The following DEPTOR variants were observed in gnomAD, a reference collection of about 807,000 sequenced individuals.
DEPTOR encodes the protein DEP domain containing MTOR interacting protein, also known as DEP domain-containing mTOR-interacting protein.
A neutral mutation model predicts 41.6 loss-of-function variants in DEPTOR; 41 were observed. The observed-to-expected ratio is 0.98, with a 90% confidence interval of 0.77 to 1.28. The LOEUF is 1.28. DEPTOR is among the 50% of genes most tolerant of loss of function. The pLI is 0.00. For missense variants in DEPTOR, 514 were observed against 527.9 expected (o/e 0.97, Z 0.26); for synonymous variants, 195 against 192.3 (o/e 1.01, Z -0.12).
chr8:119,955,428 A>T (rs1478157403), intron 3 of DEPTOR, among the ~76,000 whole-genome samples: 1 of 151,928 alleles, frequency 6.6e-6, no homozygotes, highest in East Asian at 1.9e-4. Flanking sequence ...TTTAGCTCTT[A>T]ATGTTTAGTT....
At chr8:119,897,047 T>A (rs577299731) in intron 1 of DEPTOR, among the ~76,000 whole-genome samples, 1 of 152,236 alleles carries the variant, frequency 6.6e-6, no homozygotes, top group East Asian at 1.9e-4. Context: ...TGTACACATA[T>A]AAGAAGATAT....
intron 1 of DEPTOR, among the ~76,000 whole-genome samples, chr8:119,918,963 GTGTA>G (rs748578917): frequency 0.032 from 2,954 of 91,538 alleles, 89 homozygotes; most frequent in African/African-American, 0.092. Flanking sequence ...GTGTGTGTGT[GTGTA>G]TGTGTATGTG....
intron 1 of DEPTOR, among the ~76,000 whole-genome samples, chr8:119,900,460 C>CA (rs1004418346): frequency 8.4e-6 from 1 of 118,792 alleles, no homozygotes; most frequent in African/African-American, 3.2e-5. Flanking sequence ...GATCATAGCT[C>CA]ACTGCAACCT....
chr8:120,033,539 G>A (rs1328870418), intron 8 of DEPTOR, among the ~76,000 whole-genome samples: 1 of 152,172 alleles, frequency 6.6e-6, no homozygotes, highest in Non-Finnish European at 1.5e-5. Flanking sequence ...CTTCAAATGT[G>A]TGATATTACC....
chr8:119,960,712 G>A (rs991546553), intron 3 of DEPTOR, among the ~76,000 whole-genome samples: 1 of 152,140 alleles, frequency 6.6e-6, no homozygotes, highest in Non-Finnish European at 1.5e-5. Context: ...AAACAAGGTC[G>A]AATAAAAGAA....
chr8:119,940,869 G>T (rs1487909154), intron 3 of DEPTOR, among the ~76,000 whole-genome samples: 1 of 152,162 alleles, frequency 6.6e-6, no homozygotes, highest in Admixed American at 6.5e-5. Flanking sequence ...AATATTATAT[G>T]ATCTTACTTG....
At chr8:119,932,657 A>C (rs1163558669) in intron 3 of DEPTOR, among the ~76,000 whole-genome samples, 4 of 152,354 alleles carry the variant, frequency 2.6e-5, no homozygotes, top group Middle Eastern at 3.4e-3. Flanking sequence ...CCCTGCCTTC[A>C]TGAGCTTGCA....
intron 4 of DEPTOR, among the ~76,000 whole-genome samples, chr8:119,983,548 C>T (rs1167232682): frequency 6.6e-6 from 1 of 152,066 alleles, no homozygotes; most frequent in Non-Finnish European, 1.5e-5. Flanking sequence ...CCACGCTCAG[C>T]TAATTTTTGT....
At chr8:119,885,018 G>A (rs62526643) in intron 1 of DEPTOR, among the ~76,000 whole-genome samples, 288 of 152,188 alleles carry the variant, frequency 1.9e-3, no homozygotes, top group Non-Finnish European at 3.0e-3. Context: ...TCAGGCAATC[G>A]GCCCGTTTTG....
chr8:119,890,277 T>TAG, intron 1 of DEPTOR, among the ~76,000 whole-genome samples: 1 of 119,472 alleles, frequency 8.4e-6, no homozygotes, highest in Non-Finnish European at 1.8e-5. Flanking sequence ...TTATATGAGT[T>TAG]TTTTTGTTTG....
In DEPTOR at chr8:119,928,510, A is replaced by G. The variant is rs1299618663; in HGVS notation, c.233A>G (p.Glu78Gly). The G allele has an allele frequency of 1.2e-6, 2 of 1,614,210 alleles. No homozygotes were observed. Among genetic ancestry groups the G allele is most frequent in the Admixed American group, 3.3e-5 (2 of 60,028 alleles). The change falls in exon 2 of 9, where the codon GAG becomes GGG. Residue 78 changes from glutamate to glycine, a missense_variant. Physicochemically the swap from Glu to Gly is moderately conservative, Grantham distance 98. Transcript: ENST00000286234. Reference protein sequence around the residue: ...ELIDWLIEHKEASDRETAIKL... With the variant: ...ELIDWLIEHKGASDRETAIKL... The stretch of plus-strand genomic sequence containing the variant: ...ATTGACTGGCTGATTGAACACAAAG[A>G]GGCTTCTGACAGAGAGACGGCAATT...
chr8:119,963,512 C>G (rs1483036704), intron 3 of DEPTOR, among the ~76,000 whole-genome samples: 2 of 152,016 alleles, frequency 1.3e-5, no homozygotes, highest in Admixed American at 1.3e-4. Context: ...ATGTGTCTGG[C>G]TAATTTTTTT....
chr8:119,929,728 T>A, intron 2 of DEPTOR, 87 bp from the exon 3 acceptor site: 1 of 1,507,142 alleles, frequency 6.6e-7, no homozygotes, highest in Non-Finnish European at 8.9e-7. Flanking sequence ...AGTGAAATAA[T>A]TCTTAATTAG....
chr8:119,970,547 A>C (rs1828618736), intron 4 of DEPTOR, among the ~76,000 whole-genome samples: 1 of 152,170 alleles, frequency 6.6e-6, no homozygotes, highest in Non-Finnish European at 1.5e-5. Flanking sequence ...CGGCTTTTTC[A>C]CCTACTAAGT....
At chr8:120,031,517 A>G (rs148603633) in intron 8 of DEPTOR, among the ~76,000 whole-genome samples, 2,052 of 152,124 alleles carry the variant, frequency 0.013, 47 homozygotes, top group African/African-American at 0.047. Context: ...TATGTGCTCC[A>G]TCGTGCTGTA....
At chr8:119,924,102 T>A (rs914138868) in intron 1 of DEPTOR, among the ~76,000 whole-genome samples, 2 of 152,188 alleles carry the variant, frequency 1.3e-5, no homozygotes, top group African/African-American at 4.8e-5. Context: ...CTAAATTTGA[T>A]AGCTAATTAT....
intron 3 of DEPTOR, among the ~76,000 whole-genome samples, chr8:119,950,123 C>T (rs946347472): frequency 6.6e-5 from 10 of 152,264 alleles, no homozygotes; most frequent in Admixed American, 3.9e-4. Flanking sequence ...CACCATCTGT[C>T]GAAAGGACGA....
intron 3 of DEPTOR, among the ~76,000 whole-genome samples, chr8:119,938,943 T>TTCTCTC (rs1828164436): frequency 2.2e-5 from 2 of 89,996 alleles, no homozygotes; most frequent in African/African-American, 1.1e-4. Context: ...TGTTCCTTCT[T>TTCTCTC]GCTCTCTCTC....
intron 4 of DEPTOR, among the ~76,000 whole-genome samples, chr8:119,994,821 G>C (rs6469880): frequency 0.13 from 19,000 of 151,364 alleles, 1,662 homozygotes; most frequent in African/African-American, 0.25. Flanking sequence ...AGAGGCTGAG[G>C]CAGGAGAATT....
Sources: allele counts gnomAD v4.1 joint callset (sites outside exome capture counted in the v4.1 genomes callset), GRCh38; gene constraint gnomAD v4.1.1; transcripts MANE v1.5; gene names NCBI Gene and HGNC (gene_info 2026-07-23, HGNC 2026-07-21).